Variants in OR51E2 observed in about 807,000 individuals in gnomAD.
OR51E2 encodes the protein olfactory receptor family 51 subfamily E member 2, also known as olfactory receptor 51E2.
Under a neutral mutation model 13.7 loss-of-function variants are expected in OR51E2, and 14 were observed. The observed-to-expected ratio is 1.02, with a 90% CI of 0.68 to 1.60. OR51E2 has a LOEUF of 1.60. OR51E2 is among the 40% of genes most tolerant of loss of function. The pLI is 0.00. For missense variants in OR51E2, 483 were observed against 413.8 expected, an observed-to-expected ratio of 1.17 and a Z score of -1.45; for synonymous variants, 180 against 157.6, an observed-to-expected ratio of 1.14 and a Z score of -1.07.
chr11:4,692,247 A>G (rs549704714), intron 1 of OR51E2: 2 of 386,498 alleles, frequency 5.2e-6, no homozygotes, highest in Admixed American at 3.1e-5. Context: ...ACAAAGTAAC[A>G]CATAGGAAGT....
Position 4,682,241 on chromosome 11 carries a change from T to C in OR51E2, c.471A>G (p.Pro157=), listed in dbSNP as rs1322919660. The C allele has an allele frequency of 6.2e-7, 1 of 1,613,560 alleles. No homozygotes were observed. Among genetic ancestry groups the C allele is most frequent in the East Asian group, 2.2e-5 (1 of 44,840 alleles). The change falls in exon 2 of 2, where the codon CCA becomes CCG. Residue 157 remains proline, a synonymous_variant. Coordinates refer to ENST00000396950, the MANE Select transcript of OR51E2 (RefSeq NM_030774.4). ...CCAGCCGCTTGATCAGCAGAGGCAG[T>C]GGGAAAAAAAAGAGGGATCCGCGGA... The part of the protein sequence containing the change: ...AVVRGSLFFF[P]LPLLIKRLAF...
At position 4,681,523 on chromosome 11, in the gene OR51E2, T is replaced by A; in HGVS notation, c.*226A>T. The A allele has an allele frequency of 1.9e-6, 1 of 533,952 alleles. No individual in the cohort carries two copies. The highest frequency in any genetic ancestry group is 3.0e-5 in the South Asian group (1 of 32,978). The allele number at this position is 533,952 out of a possible 1,614,324, so 33.1% of individuals were successfully genotyped here. ...CATGTATCTTTATTGTTTTTCTTAATGTTATAAGCATGTTTGGTTTTATTG... is the reference window on the plus strand; with the variant it reads ...CATGTATCTTTATTGTTTTTCTTAAAGTTATAAGCATGTTTGGTTTTATTG... On this transcript the variant is annotated 3_prime_UTR_variant, in exon 2 of 2. Transcript: ENST00000396950.
chr11:4,694,681 C>T (rs774477745), intron 1 of OR51E2, among the ~76,000 whole-genome samples: 1 of 151,852 alleles, frequency 6.6e-6, no homozygotes, highest in Non-Finnish European at 1.5e-5. Context: ...TAAATATCTA[C>T]TACATGCCAG....
chr11:4,694,106 T>C (rs1409989537), intron 1 of OR51E2, among the ~76,000 whole-genome samples: 1 of 152,212 alleles, frequency 6.6e-6, no homozygotes, highest in East Asian at 1.9e-4. Context: ...AAAAATTAAA[T>C]TGCTATTTGA....
rs1244752229 is a variant in OR51E2 at position 4,681,784 on chromosome 11, A to G, written c.928T>C (p.Cys310Arg). 3.7e-6 allele frequency: 6 copies of G among 1,614,204 alleles called. No homozygotes were observed. The highest frequency in any genetic ancestry group is 2.7e-5 in the African/African-American group (2 of 75,066). The change falls in exon 2 of 2, where the codon TGT becomes CGT. Residue 310 changes from cysteine to arginine, a missense_variant. Physicochemically the swap from Cys to Arg is radical, Grantham distance 180. Transcript: ENST00000396950. ...TRVLAMFKIS[C>R]DKDLQAVGGK ...CCCACAGCCTGCAAGTCCTTGTCAC[A>G]GCTGATCTTGAACATAGCCAGCACC...
intron 1 of OR51E2, among the ~76,000 whole-genome samples, chr11:4,694,946 G>A (rs564032401): frequency 6.6e-6 from 1 of 152,212 alleles, no homozygotes; most frequent in African/African-American, 2.4e-5. Context: ...AAAAACAGGG[G>A]AAGTGTGCTT....
intron 1 of OR51E2, among the ~76,000 whole-genome samples, chr11:4,693,740 CA>C (rs2133252809): frequency 6.6e-6 from 1 of 152,072 alleles, no homozygotes. Flanking sequence ...AACAAACAAA[CA>C]AAAAACTGTT....
intron 1 of OR51E2, among the ~76,000 whole-genome samples, chr11:4,686,161 C>T (rs901981449): frequency 5.3e-5 from 8 of 152,182 alleles, no homozygotes; most frequent in Non-Finnish European, 7.3e-5. Context: ...TCCTTGCCTT[C>T]AGGGTGGTCA....
At position 4,682,419 on chromosome 11, in the gene OR51E2, G is replaced by A. The variant is rs1847465928; in HGVS notation, c.293C>T (p.Thr98Ile). 3.1e-6 allele frequency: 5 copies of A among 1,614,092 alleles called. No individual in the cohort carries two copies. The Admixed American group carries it at 8.3e-5, about 27-fold the overall frequency. ...GAGGGCATGAATAAAGAACATCTGG[G>A]TAAGACAGGCCTCAAAGCTAATCTC... ...SREISFEACL[T>I]QMFFIHALSA... The change falls in exon 2 of 2, where the codon ACC (threonine) becomes ATC (isoleucine). Residue 98 changes from threonine (T) to isoleucine (I), a missense_variant. Transcript: ENST00000396950.
At chr11:4,695,889 C>T (rs910279108) in intron 1 of OR51E2, among the ~76,000 whole-genome samples, 2 of 152,088 alleles carry the variant, frequency 1.3e-5, no homozygotes, top group African/African-American at 4.8e-5. Context: ...TCTTGCTTTT[C>T]ATATGCTCTC....
Position 4,682,515 on chromosome 11 carries a change from G to A in OR51E2, c.197C>T (p.Ala66Val). ...TGTGGATAAGGCCAGGTCAATGGCT[G>A]CAAGCATGCAGAGAAAGAGGTACAT... is the stretch of plus-strand genomic sequence containing the variant. ...APMYLFLCML[A>V]AIDLALSTST... is the part of the protein sequence containing the mutation. Residue 66 changes from alanine (A) to valine (V), a missense_variant, in exon 2 of 2, where the codon GCA becomes GTA. Physicochemically the swap from Ala to Val is moderately conservative, Grantham distance 64. Coordinates refer to ENST00000396950, the MANE Select transcript of OR51E2 (RefSeq NM_030774.4). 1.9e-6 allele frequency: 3 copies of A among 1,614,236 alleles called. No individual in the cohort carries two copies. Among genetic ancestry groups the A allele is most frequent in the South Asian group, 1.1e-5 (1 of 91,088 alleles).
Position 4,682,165 on chromosome 11 carries a change from CA to C in OR51E2, c.546del (p.Asp182GlufsTer2). Reference sequence around the variant, plus strand: ...GTGTCTGCATAGGCCAACTTCATTACATCCTGGTGGACACAATAGGAGTGCG... The same window carrying C: ...GTGTCTGCATAGGCCAACTTCATTACTCCTGGTGGACACAATAGGAGTGCG... ...VLSHSYCVHQ[D>X]VMKLAYADTL... On this transcript the variant is annotated frameshift_variant, in exon 2 of 2. Coordinates refer to ENST00000396950, the MANE Select transcript of OR51E2 (RefSeq NM_030774.4). LOFTEE classifies it high-confidence loss of function. 1.2e-6 allele frequency: 2 copies of C among 1,614,236 alleles called. No individual in the cohort carries two copies. The highest frequency in any genetic ancestry group is 8.5e-7 in the Non-Finnish European group (1 of 1,180,042).
At chr11:4,692,610 T>C (rs1188258809) in intron 1 of OR51E2, among the ~76,000 whole-genome samples, 1 of 152,052 alleles carries the variant, frequency 6.6e-6, no homozygotes, top group Non-Finnish European at 1.5e-5. Flanking sequence ...GATAGATGGG[T>C]ATGGTTGAGT....
Position 4,682,492 on chromosome 11 carries a change from T to C in OR51E2, c.220A>G (p.Thr74Ala). The C allele has an allele frequency of 1.9e-6, 3 of 1,614,172 alleles. No individual in the cohort carries two copies. The highest frequency in any genetic ancestry group is 2.5e-6 in the Non-Finnish European group (3 of 1,180,020). The change falls in exon 2 of 2, where the codon ACA becomes GCA. Residue 74 changes from threonine to alanine, a missense_variant. By Grantham distance (58) the Thr-to-Ala change is moderately conservative. Coordinates refer to ENST00000396950, the MANE Select transcript of OR51E2 (RefSeq NM_030774.4). ...GCAAGGATCTTAGGCATGGTGGATG[T>C]GGATAAGGCCAGGTCAATGGCTGCA... ...MLAAIDLALS[T>A]STMPKILALF...
intron 1 of OR51E2, among the ~76,000 whole-genome samples, chr11:4,688,877 C>G (rs1044034276): frequency 6.6e-6 from 1 of 152,162 alleles, no homozygotes; most frequent in African/African-American, 2.4e-5. Context: ...AGTGCTTTGT[C>G]TCAACACATT....
intron 1 of OR51E2, chr11:4,692,167 G>T: frequency 2.2e-6 from 1 of 453,600 alleles, no homozygotes; most frequent in Non-Finnish European, 4.4e-6. Flanking sequence ...TTGGTCATAA[G>T]TGTGGAAAGC....
Position 4,681,846 on chromosome 11 carries a change from A to C in OR51E2, c.866T>G (p.Ile289Ser). Residue 289 changes from isoleucine (I) to serine (S), a missense_variant, in exon 2 of 2, where the codon ATC becomes AGC. Coordinates refer to ENST00000396950, the MANE Select transcript of OR51E2 (RefSeq NM_030774.4). ...CTGTTTGGTTTTGGCACCATAGATG[A>C]TGGGATTGATGACAGGAGGCAGCAG... ...YLLLPPVINP[I>S]IYGAKTKQIR... is the part of the protein sequence containing the mutation. 6.2e-7 allele frequency: 1 copy of C among 1,614,144 alleles called. No individual in the cohort carries two copies.
At chr11:4,685,910 C>G (rs997797050) in intron 1 of OR51E2, 2 of 152,194 alleles carry the variant, frequency 1.3e-5, no homozygotes, top group Non-Finnish European at 2.9e-5. Context: ...TTAACACTAA[C>G]CTGTTCTATC....
chr11:4,686,333 A>G (rs1847515290), intron 1 of OR51E2, among the ~76,000 whole-genome samples: 2 of 152,216 alleles, frequency 1.3e-5, no homozygotes, highest in African/African-American at 4.8e-5. Context: ...TTTTCTATAG[A>G]AGAATTACGA....
Sources: gnomAD v4.1 joint callset for allele counts (sites outside exome capture counted in the v4.1 genomes callset) on GRCh38, gnomAD v4.1.1 for gene constraint, MANE v1.5 for transcripts, NCBI Gene and HGNC (gene_info 2026-07-23, HGNC 2026-07-21) for gene names.